Variants in ADARB1 observed in about 807,000 individuals in gnomAD.
ADARB1 encodes the protein adenosine deaminase RNA specific B1.
A neutral mutation model predicts 52.4 loss-of-function variants in ADARB1; 10 were observed. The observed-to-expected ratio is 0.19, with a 90% CI of 0.12 to 0.32. ADARB1 has a LOEUF of 0.32. Among genes scored for constraint, ADARB1 ranks in the 10% least tolerant of loss-of-function variants. The pLI is 1.00. For missense variants in ADARB1, 643 were observed against 922.3 expected (o/e 0.70, Z 3.92); for synonymous variants, 349 against 371.1 (o/e 0.94, Z 0.68).
At position 45,085,856 on chromosome 21, in the gene ADARB1, T is replaced by C. The variant is rs113688103; in HGVS notation, c.-220+11063T>C. On this transcript the variant is annotated intron_variant, in intron 1 of 10. Coordinates refer to ENST00000348831, the MANE Select transcript of ADARB1 (RefSeq NM_001112.4). Reference sequence around the variant, plus strand: ...TGAACCTAAAGGACGTCATTGAGCATGTGCCTCTCACGCAGAACTGACATA... The same window carrying C: ...TGAACCTAAAGGACGTCATTGAGCACGTGCCTCTCACGCAGAACTGACATA... Among the ~76,000 whole-genome samples, 923 of 152,350 alleles carry C rather than the reference T, an allele frequency of 6.1e-3. 15 individuals are homozygous for C. The highest frequency in any genetic ancestry group is 0.021 in the African/African-American group (874 of 41,576).
intron 1 of ADARB1, chr21:45,117,022 T>C (rs1308088801): frequency 6.6e-6 from 1 of 152,194 alleles, no homozygotes; most frequent in African/African-American, 2.4e-5. Flanking sequence ...CAGATGACAC[T>C]GGCGCATGGA....
At position 45,196,188 on chromosome 21, in the gene ADARB1, G is replaced by A. The variant is rs904964022; in HGVS notation, c.1566-8367G>A. 2.0e-5 allele frequency among the ~76,000 whole-genome samples: 3 copies of A among 152,068 alleles called. No individual in the cohort carries two copies. The South Asian group carries it at 6.2e-4, about 32-fold the overall frequency. ...TGTGTTTTTAATTTCCAATTCTGCT[G>A]TTCATTGCTGGTCACAGTTAATTTT... is the stretch of plus-strand genomic sequence containing the variant. On this transcript the variant is annotated intron_variant, in intron 8 of 10. Coordinates refer to ENST00000348831, the MANE Select transcript of ADARB1 (RefSeq NM_001112.4).
At chr21:45,183,925 G>A (rs988667997) in intron 7 of ADARB1, among the ~76,000 whole-genome samples, 6 of 152,192 alleles carry the variant, frequency 3.9e-5, no homozygotes, top group African/African-American at 1.4e-4. Context: ...AACCACTATT[G>A]TGATCATATT....
chr21:45,114,276 A>T (rs423726), intron 1 of ADARB1, among the ~76,000 whole-genome samples: 28 of 152,234 alleles, frequency 1.8e-4, no homozygotes, highest in South Asian at 6.2e-4. Context: ...GTGTCAAGTC[A>T]GGACACATGT....
chr21:45,082,860 C>T (rs964128913), intron 1 of ADARB1, among the ~76,000 whole-genome samples: 5 of 152,200 alleles, frequency 3.3e-5, no homozygotes, highest in African/African-American at 7.2e-5. Flanking sequence ...GACCAGCAGT[C>T]GGATCTGAGC....
At chr21:45,211,403 T>C (rs1161544392) in intron 9 of ADARB1, among the ~76,000 whole-genome samples, 1 of 152,228 alleles carries the variant, frequency 6.6e-6, no homozygotes, top group East Asian at 1.9e-4. Flanking sequence ...GTCTTGACTC[T>C]TTCTTATTTG....
intron 2 of ADARB1, among the ~76,000 whole-genome samples, chr21:45,143,144 G>T (rs953676280): frequency 6.6e-6 from 1 of 152,168 alleles, no homozygotes; most frequent in Non-Finnish European, 1.5e-5. Flanking sequence ...TTCGGCAGGT[G>T]CCCTTCCTGG....
At chr21:45,102,688 T>C (rs1177572188) in intron 1 of ADARB1, among the ~76,000 whole-genome samples, 1 of 152,224 alleles carries the variant, frequency 6.6e-6, no homozygotes, top group Non-Finnish European at 1.5e-5. Context: ...TATTGGATTA[T>C]AGCCCAGAGA....
Position 45,185,071 on chromosome 21 carries a change from C to T in ADARB1, c.1545C>T (p.Ser515=). The change falls in exon 8 of 11, where the codon TCC becomes TCT. Residue 515 remains serine, a synonymous_variant. Coordinates refer to ENST00000348831, the MANE Select transcript of ADARB1 (RefSeq NM_001112.4). The part of the protein sequence containing the change: ...VLQGERLLTM[S]CSDKIARWNV... The stretch of plus-strand genomic sequence containing the variant: ...AAGGGGAGCGGCTGCTCACCATGTC[C>T]TGCAGTGACAAGATTGCACGGTAAG... 2.5e-6 allele frequency: 4 copies of T among 1,614,192 alleles called. No individual in the cohort carries two copies. The highest frequency in any genetic ancestry group is 3.4e-6 in the Non-Finnish European group (4 of 1,180,010).
In ADARB1 at chr21:45,208,822, C is replaced by G. The variant is rs1046420190; in HGVS notation, c.1747+4086C>G. ...CAGTAATGTGAGTTTCCTCCTTGCC[C>G]TGGTTTCTAGGAGGAGTGAACGTGC... On this transcript the variant is annotated intron_variant, in intron 9 of 10. Transcript: ENST00000348831. This position sits in a 1 kb window ranked among gnomAD's most constrained non-coding sequence, Gnocchi z 5.6. Among the ~76,000 whole-genome samples the G allele has an allele frequency of 1.3e-5, 2 of 152,020 alleles. No individual in the cohort carries two copies. The highest frequency in any genetic ancestry group is 4.8e-5 in the African/African-American group (2 of 41,374).
chr21:45,108,631 C>T (rs1006883943), intron 1 of ADARB1, among the ~76,000 whole-genome samples: 8 of 152,204 alleles, frequency 5.3e-5, no homozygotes, highest in African/African-American at 1.4e-4. Flanking sequence ...AACCACCACA[C>T]CCACATCCCT....
chr21:45,192,944 C>T (rs1242449191), intron 8 of ADARB1, among the ~76,000 whole-genome samples: 1 of 152,156 alleles, frequency 6.6e-6, no homozygotes, highest in Non-Finnish European at 1.5e-5. Context: ...AATTTAAAGC[C>T]TTTCCCACCA....
chr21:45,123,581 A>G (rs2088354048), intron 1 of ADARB1, among the ~76,000 whole-genome samples: 1 of 152,194 alleles, frequency 6.6e-6, no homozygotes, highest in Non-Finnish European at 1.5e-5. Flanking sequence ...CTGGGCTTAC[A>G]GGTGTGAGCC....
intron 1 of ADARB1, among the ~76,000 whole-genome samples, chr21:45,079,775 GA>G (rs1224598217): frequency 6.6e-6 from 1 of 152,236 alleles, no homozygotes; most frequent in East Asian, 1.9e-4. Flanking sequence ...TCTGAGTAGA[GA>G]AAGGTGAATA....
chr21:45,142,061 T>C lies in ADARB1; in HGVS notation c.-48+13488T>C, dbSNP rs1470326290. Among the ~76,000 whole-genome samples, 3 of 152,234 alleles carry C rather than the reference T, an allele frequency of 2.0e-5. No homozygotes were observed. Among genetic ancestry groups the C allele is most frequent in the Admixed American group, 2.0e-4 (3 of 15,298 alleles). On this transcript the variant is annotated intron_variant, in intron 2 of 10. Transcript: ENST00000348831. This position sits in a 1 kb window ranked among gnomAD's most constrained non-coding sequence, Gnocchi z 4.0. ...CACTGTAGCCACCTCTGGGTGTCCT[T>C]AGCCACCCCCGGGCCACCTTGGCCA...
chr21:45,221,875 C>A lies in ADARB1; in HGVS notation c.1927-143C>A. ...ACCTTGTTCTGTGTGAAGCCGTTCC[C>A]TTGGCAGAAGGCGCCTTCCTCTGGG... On this transcript the variant is annotated intron_variant, in intron 10 of 10. Coordinates refer to ENST00000348831, the MANE Select transcript of ADARB1 (RefSeq NM_001112.4). The surrounding 1 kb of genome is among the most constrained non-coding windows in gnomAD (Gnocchi z 4.9). 1.2e-6 allele frequency: 1 copy of A among 847,972 alleles called. No individual in the cohort carries two copies. The highest frequency in any genetic ancestry group is 1.8e-6 in the Non-Finnish European group (1 of 548,602). 52.5% of individuals were successfully genotyped at this position (847,972 alleles called of 1,614,324 possible).
intron 2 of ADARB1, among the ~76,000 whole-genome samples, chr21:45,154,225 A>G (rs1280703144): frequency 2.0e-5 from 3 of 152,234 alleles, no homozygotes; most frequent in Non-Finnish European, 4.4e-5. Context: ...AGATGTAACA[A>G]TGAGGCCCAC....
chr21:45,163,094 A>G (rs1252769228), intron 2 of ADARB1, among the ~76,000 whole-genome samples: 1 of 152,224 alleles, frequency 6.6e-6, no homozygotes, highest in African/African-American at 2.4e-5. Flanking sequence ...TGTTCCTTAG[A>G]AGAGGATGCT....
At chr21:45,207,693 C>T (rs1337913265) in intron 9 of ADARB1, among the ~76,000 whole-genome samples, 3 of 152,172 alleles carry the variant, frequency 2.0e-5, no homozygotes, top group Non-Finnish European at 2.9e-5. Context: ...CAGCTCACGT[C>T]GTGTTTGTTA....
Sources: gnomAD v4.1 joint callset for allele counts (sites outside exome capture counted in the v4.1 genomes callset) on GRCh38, gnomAD v4.1.1 for gene constraint, Gnocchi (gnomAD v3.1) non-coding constraint, MANE v1.5 for transcripts, NCBI Gene and HGNC (gene_info 2026-07-23, HGNC 2026-07-21) for gene names.